The following CDC6 variants were observed in gnomAD, a reference collection of about 807,000 sequenced individuals.
The protein encoded by CDC6 is DNA replication factor CDC6.
In CDC6, 46 loss-of-function variants were observed where a neutral mutation model predicts 60.2. That is an observed-to-expected ratio of 0.76 (90% CI 0.60 to 0.98). The LOEUF (loss-of-function observed/expected upper bound fraction) is 0.98. Among genes scored for constraint, CDC6 ranks in the 50% least tolerant of loss-of-function variants. CDC6 has a pLI of 0.00. For missense variants in CDC6, 596 were observed against 652.9 expected, an observed-to-expected ratio of 0.91 and a Z score of 0.95; for synonymous variants, 210 against 233.2, an observed-to-expected ratio of 0.90 and a Z score of 0.90.
At chr17:40,288,367 C>A (rs758343105) in intron 1 of CDC6, among the ~76,000 whole-genome samples, 1 of 151,640 alleles carries the variant, frequency 6.6e-6, no homozygotes, top group Non-Finnish European at 1.5e-5. Flanking sequence ...ATAAAGACAC[C>A]CCGCGTGCCT....
intron 7 of CDC6, 23 bp downstream of exon 7, chr17:40,294,526 A>C: frequency 6.2e-7 from 1 of 1,611,442 alleles, no homozygotes; most frequent in African/African-American, 1.3e-5. Flanking sequence ...TATTTTGCCA[A>C]ATTATGTGTT....
At chr17:40,299,897 C>T (rs140581182) in intron 9 of CDC6, among the ~76,000 whole-genome samples, 128 of 152,262 alleles carry the variant, frequency 8.4e-4, no homozygotes, top group Non-Finnish European at 1.5e-3. Flanking sequence ...GACATGGCAG[C>T]GACTTCACTC....
chr17:40,301,434 T>C (rs1598519348), intron 10 of CDC6, 34 bp from the exon 11 acceptor site: 1 of 1,612,206 alleles, frequency 6.2e-7, no homozygotes, highest in East Asian at 2.2e-5. Flanking sequence ...ATGTGACTTT[T>C]AAGCAGCGTT....
Position 40,294,471 on chromosome 17 carries a change from A to G in CDC6, c.1051A>G (p.Ile351Val), listed in dbSNP as rs1011068507. 2 of 1,614,082 alleles carry G rather than the reference A, an allele frequency of 1.2e-6. No homozygotes were observed. The highest frequency in any genetic ancestry group is 1.7e-6 in the Non-Finnish European group (2 of 1,179,958). Residue 351 changes from isoleucine to valine, a missense_variant, in exon 7 of 12, where the codon ATA (isoleucine) becomes GTA (valine). Coordinates refer to ENST00000209728, the MANE Select transcript of CDC6 (RefSeq NM_001254.4). ...LNFPPYTRNQ[I>V]VTILQDRLNQ... is the part of the protein sequence containing the mutation. ...CTTCCCACCTTATACCAGAAATCAG[A>G]TAGTCACTATTTTGCAAGATCGACT...
chr17:40,291,044 T>C lies in CDC6; in HGVS notation c.179-14T>C, dbSNP rs182086857. On this transcript the variant is annotated splice_polypyrimidine_tract_variant and intron_variant, in intron 2 of 11. Coordinates refer to ENST00000209728, the MANE Select transcript of CDC6 (RefSeq NM_001254.4). Reference sequence around the variant, plus strand: ...TGCTATGAGTGACTACATTTTTATTTTATTGTGTTTCAGGCGATGACAACC... The same window carrying C: ...TGCTATGAGTGACTACATTTTTATTCTATTGTGTTTCAGGCGATGACAACC... 8.9e-5 allele frequency: 144 copies of C among 1,613,712 alleles called. No individual in the cohort carries two copies. Among genetic ancestry groups the C allele is most frequent in the Non-Finnish European group, 1.1e-4 (126 of 1,179,730 alleles).
chr17:40,289,329 T>C lies in CDC6; in HGVS notation c.-13-79T>C. The stretch of plus-strand genomic sequence containing the variant: ...TTAGGAAATAAGTGTTAATCATCAG[T>C]ATAAATAAATTCCATGTTAGTTATT... On this transcript the variant is annotated intron_variant, in intron 1 of 11. Coordinates refer to ENST00000209728, the MANE Select transcript of CDC6 (RefSeq NM_001254.4). The C allele has an allele frequency of 2.7e-6, 3 of 1,102,020 alleles. No individual in the cohort carries two copies. In the South Asian group the frequency reaches 3.8e-5, roughly 14 times the overall value. The allele number at this position is 1,102,020 out of a possible 1,614,324, so 68.3% of individuals were successfully genotyped here. A position where few individuals can be genotyped will look rare whatever the true frequency, so the allele number is the denominator to read the frequency against.
intron 1 of CDC6, among the ~76,000 whole-genome samples, chr17:40,288,873 G>A (rs902816407): frequency 6.6e-6 from 1 of 151,704 alleles, no homozygotes; most frequent in Non-Finnish European, 1.5e-5. Flanking sequence ...CGTAATTTTT[G>A]TATTTTTAGT....
intron 2 of CDC6, 57 bp downstream of exon 2, chr17:40,289,655 G>A: frequency 7.5e-7 from 1 of 1,334,248 alleles, no homozygotes; most frequent in Non-Finnish European, 1.1e-6. Context: ...TCTTTTCTTG[G>A]TAAGATGTGT....
intron 7 of CDC6, among the ~76,000 whole-genome samples, 162 bp downstream of exon 7, chr17:40,294,665 A>T (rs927863615): frequency 6.6e-6 from 1 of 151,548 alleles, no homozygotes; most frequent in African/African-American, 2.4e-5. Context: ...TTTCAGCTTC[A>T]TTCATTTACT....
chr17:40,301,787 G>GA (rs1433666077), intron 11 of CDC6, 125 bp from the exon 12 acceptor site: 140 of 938,762 alleles, frequency 1.5e-4, no homozygotes, highest in Middle Eastern at 2.9e-4. Context: ...CAAGCCATTG[G>GA]AAAAAAAAGT....
Position 40,289,431 on chromosome 17 carries a change from C to T in CDC6, c.11C>T (p.Thr4Ile). MPQ[T>I]RSQAQATISF... ...AGCTGTGCTGTCGTCATGCCTCAAA[C>T]CCGATCCCAGGCACAGGCTACAATC... The change falls in exon 2 of 12, where the codon ACC (threonine) becomes ATC (isoleucine). Residue 4 changes from threonine to isoleucine, a missense_variant. By Grantham distance (89) the Thr-to-Ile change is moderately conservative. Transcript: ENST00000209728. The T allele has an allele frequency of 6.2e-7, 1 of 1,613,884 alleles. No individual in the cohort carries two copies. Among genetic ancestry groups the T allele is most frequent in the Non-Finnish European group, 8.5e-7 (1 of 1,179,910 alleles).
chr17:40,291,947 CTG>C (rs2032770848), intron 4 of CDC6, among the ~76,000 whole-genome samples: 1 of 152,164 alleles, frequency 6.6e-6, no homozygotes, highest in Admixed American at 6.5e-5. Flanking sequence ...CGGGGTGTCA[CTG>C]TGTTAGCCAG....
intron 9 of CDC6, among the ~76,000 whole-genome samples, chr17:40,299,227 A>G (rs1217491854): frequency 1.5e-5 from 2 of 135,876 alleles, no homozygotes; most frequent in African/African-American, 5.6e-5. Flanking sequence ...GGCTCAATGC[A>G]ACCTCCTCCT....
chr17:40,294,438 C>T lies in CDC6; in HGVS notation c.1018C>T (p.Leu340=). 1 of 1,612,812 alleles carries T rather than the reference C, an allele frequency of 6.2e-7. No homozygotes were observed. The highest frequency in any genetic ancestry group is 8.5e-7 in the Non-Finnish European group (1 of 1,178,816). ...LQAREKCKPQ[L]LNFPPYTRNQ... is the part of the protein sequence containing the mutation. ...AGCTAGAGAAAAATGTAAGCCACAG[C>T]TGTTGAACTTCCCACCTTATACCAG... The change falls in exon 7 of 12, where the codon CTG becomes TTG. Residue 340 remains leucine (L), a synonymous_variant. Coordinates refer to ENST00000209728, the MANE Select transcript of CDC6 (RefSeq NM_001254.4).
chr17:40,288,288 G>T (rs1162729862), intron 1 of CDC6, among the ~76,000 whole-genome samples, 198 bp downstream of exon 1: 2 of 152,210 alleles, frequency 1.3e-5, no homozygotes, highest in Non-Finnish European at 2.9e-5. Context: ...ACTGAGGGAA[G>T]ACTGAGCTGC....
chr17:40,291,770 G>GAGTC (rs2032766804), intron 4 of CDC6, 102 bp downstream of exon 4: 2 of 1,248,588 alleles, frequency 1.6e-6, no homozygotes, highest in Non-Finnish European at 2.3e-6. Flanking sequence ...TTTTGAGACG[G>GAGTC]AGTCTCGCTC....
chr17:40,300,741 C>G, intron 9 of CDC6, 87 bp from the exon 10 acceptor site: 2 of 1,079,656 alleles, frequency 1.9e-6, no homozygotes, highest in Non-Finnish European at 2.9e-6. Context: ...TTTCCTTTAG[C>G]TCAAACTTAG....
intron 9 of CDC6, among the ~76,000 whole-genome samples, chr17:40,299,172 A>G (rs1598518085): frequency 1.1e-5 from 1 of 90,822 alleles, no homozygotes; most frequent in African/African-American, 4.7e-5. Context: ...TTTTTGAGAC[A>G]GGGTCTCGCT....
rs1192914303 is a variant in CDC6, at chr17:40,294,407, G to C, written c.987G>C (p.Arg329Ser). The stretch of plus-strand genomic sequence containing the variant: ...ATCTCACAGATAGAATTCTACCTAG[G>C]CTTCAAGCTAGAGAAAAATGTAAGC... ...TLDLTDRILP[R>S]LQAREKCKPQ... Residue 329 changes from arginine (R) to serine (S), a missense_variant, in exon 7 of 12, where the codon AGG becomes AGC. Physicochemically the swap from Arg to Ser is moderately radical, Grantham distance 110. Transcript: ENST00000209728. The C allele has an allele frequency of 1.2e-6, 2 of 1,608,438 alleles. No homozygotes were observed. Among genetic ancestry groups the C allele is most frequent in the Non-Finnish European group, 1.7e-6 (2 of 1,174,930 alleles).
Sources: gnomAD v4.1 joint callset for allele counts (sites outside exome capture counted in the v4.1 genomes callset) on GRCh38, gnomAD v4.1.1 for gene constraint, MANE v1.5 for transcripts, NCBI Gene and HGNC (gene_info 2026-07-23, HGNC 2026-07-21) for gene names.